TEKT2: variants seen among roughly 807,000 people sequenced by gnomAD.
The protein encoded by TEKT2 is tektin 2, also known as tektin-2.
A neutral mutation model predicts 49.8 loss-of-function variants in TEKT2; 45 were observed. The observed-to-expected ratio is 0.90, with a 90% CI of 0.71 to 1.16. The LOEUF is 1.16. Among genes scored for constraint, TEKT2 ranks in the 50% most tolerant of loss-of-function variants. The probability of loss-of-function intolerance (pLI) is 0.00; values close to 1 mark genes in which losing one functional copy is unlikely to be tolerated. For missense variants in TEKT2, 523 were observed against 551.4 expected (o/e 0.95, Z 0.52); for synonymous variants, 202 against 224.6 (o/e 0.90, Z 0.90).
rs372321264 is a variant in TEKT2 at position 36,087,826 on chromosome 1, C to T, written c.1079+19C>T. 1.5e-5 allele frequency: 24 copies of T among 1,612,744 alleles called. No individual in the cohort carries two copies. The highest frequency in any genetic ancestry group is 2.2e-5 in the East Asian group (1 of 44,870). The stretch of plus-strand genomic sequence containing the variant: ...AAGCACAGTAGGTCTCGGGAGTGGG[C>T]GGAAGGAGCAGTGAGACGCTGCCCA... On this transcript the variant is annotated intron_variant, in intron 9 of 9. Coordinates refer to ENST00000207457, the MANE Select transcript of TEKT2 (RefSeq NM_014466.3). The surrounding 1 kb of genome is among the most constrained non-coding windows in gnomAD (Gnocchi z 4.9).
Position 36,084,518 on chromosome 1 carries a change from T to G in TEKT2, c.-52-352T>G. The G allele has an allele frequency of 3.2e-6, 1 of 312,352 alleles. No individual in the cohort carries two copies. Among genetic ancestry groups the G allele is most frequent in the Non-Finnish European group, 6.2e-6 (1 of 162,568 alleles). 19.3% of individuals were successfully genotyped at this position (312,352 alleles called of 1,614,324 possible). On this transcript the variant is annotated intron_variant, in intron 1 of 9. Coordinates refer to ENST00000207457, the MANE Select transcript of TEKT2 (RefSeq NM_014466.3). This position sits in a 1 kb window ranked among gnomAD's most constrained non-coding sequence, Gnocchi z 4.1. ...GAAAGGAAGATCAACAAGGCATGGT[T>G]GGCTGGGGGCAGGTGTGGAAAATGC... is the stretch of plus-strand genomic sequence containing the variant.
Position 36,084,818 on chromosome 1 carries a change from G to T in TEKT2, c.-52-52G>T. On this transcript the variant is annotated intron_variant, in intron 1 of 9. Transcript: ENST00000207457. This position sits in a 1 kb window ranked among gnomAD's most constrained non-coding sequence, Gnocchi z 4.1. ...AACAAGTCCTGCGCAGGGGGCGTGTGATCCAGGAGGTCTCCGGAAAGGTCT... is the reference window on the plus strand; with the variant it reads ...AACAAGTCCTGCGCAGGGGGCGTGTTATCCAGGAGGTCTCCGGAAAGGTCT... 1 of 1,558,614 alleles carries T rather than the reference G, an allele frequency of 6.4e-7. No individual in the cohort carries two copies. Among genetic ancestry groups the T allele is most frequent in the Non-Finnish European group, 8.8e-7 (1 of 1,133,026 alleles).
At chr1:36,085,507 C>CTTTTTTTTTTTTTTTTT (rs1159834731) in intron 3 of TEKT2, among the ~76,000 whole-genome samples, 1 of 82,554 alleles carries the variant, frequency 1.2e-5, no homozygotes, top group Non-Finnish European at 2.1e-5. Flanking sequence ...TCTTTCTTTT[C>CTTTTTTTTTTTTTTTTT]TTTTTTTTTT....
rs747294816 is a variant in TEKT2 at position 36,085,238 on chromosome 1, C to T, written c.232C>T (p.Leu78=). The change falls in exon 3 of 10, where the codon CTG becomes TTG. Residue 78 remains leucine, a synonymous_variant. Coordinates refer to ENST00000207457, the MANE Select transcript of TEKT2 (RefSeq NM_014466.3). ...TACTGTCAACCGGTGGAAGGAGATGCTGGACAAGTGTCTGACAGATTTAGA... is the reference window on the plus strand; with the variant it reads ...TACTGTCAACCGGTGGAAGGAGATGTTGGACAAGTGTCTGACAGATTTAGA... The part of the protein sequence containing the change: ...IDTVNRWKEM[L]DKCLTDLDAE... 4.3e-6 allele frequency: 7 copies of T among 1,614,062 alleles called. No individual in the cohort carries two copies. In the African/African-American group the frequency reaches 6.7e-5, roughly 15 times the overall value.
At position 36,087,830 on chromosome 1, in the gene TEKT2, A is replaced by G; in HGVS notation, c.1079+23A>G. ...ACAGTAGGTCTCGGGAGTGGGCGGAAGGAGCAGTGAGACGCTGCCCACAAA... is the reference window on the plus strand; with the variant it reads ...ACAGTAGGTCTCGGGAGTGGGCGGAGGGAGCAGTGAGACGCTGCCCACAAA... On this transcript the variant is annotated intron_variant, in intron 9 of 9. Transcript: ENST00000207457. The surrounding 1 kb of genome is among the most constrained non-coding windows in gnomAD (Gnocchi z 4.9). The G allele has an allele frequency of 6.2e-7, 1 of 1,612,510 alleles. No homozygotes were observed. The highest frequency in any genetic ancestry group is 8.5e-7 in the Non-Finnish European group (1 of 1,179,492).
In TEKT2 at chr1:36,086,711, C is replaced by G. The variant is rs777105222; in HGVS notation, c.496C>G (p.Gln166Glu). The change falls in exon 5 of 10, where the codon CAG becomes GAG. Residue 166 changes from glutamine (Q) to glutamate (E), a missense_variant. By Grantham distance (29) the Gln-to-Glu change is conservative. Coordinates refer to ENST00000207457, the MANE Select transcript of TEKT2 (RefSeq NM_014466.3). Reference protein sequence around the residue: ...SQAFEQLCLLQEVQQQLNSDH... With the variant: ...SQAFEQLCLLEEVQQQLNSDH... ...AGTCTGCGCTTTCCCCAGCCTCTTG[C>G]AGGAAGTCCAACAGCAGCTCAACTC... 6.8e-6 allele frequency: 11 copies of G among 1,613,986 alleles called. No homozygotes were observed. The highest frequency in any genetic ancestry group is 9.3e-6 in the Non-Finnish European group (11 of 1,180,036).
In TEKT2 at chr1:36,087,168, G is replaced by A. The variant is rs752733327; in HGVS notation, c.748-36G>A. 1.9e-6 allele frequency: 3 copies of A among 1,612,390 alleles called. No individual in the cohort carries two copies. The highest frequency in any genetic ancestry group is 2.5e-6 in the Non-Finnish European group (3 of 1,178,672). On this transcript the variant is annotated intron_variant, in intron 6 of 9. Coordinates refer to ENST00000207457, the MANE Select transcript of TEKT2 (RefSeq NM_014466.3). This position sits in a 1 kb window ranked among gnomAD's most constrained non-coding sequence, Gnocchi z 4.9. ...GTAATATCCTCAGGCAGCCCTGAGT[G>A]TAGACCCTCCCCTTGCCCTGTGTTT...
At position 36,087,209 on chromosome 1, in the gene TEKT2, C is replaced by A; in HGVS notation, c.753C>A (p.Asn251Lys). The A allele has an allele frequency of 1.2e-6, 2 of 1,614,126 alleles. No individual in the cohort carries two copies. Among genetic ancestry groups the A allele is most frequent in the Non-Finnish European group, 1.7e-6 (2 of 1,180,030 alleles). Residue 251 changes from asparagine (N) to lysine (K), a missense_variant, in exon 7 of 10, where the codon AAC (asparagine) becomes AAA (lysine). By Grantham distance (94) the Asn-to-Lys change is moderately conservative. Transcript: ENST00000207457. This position sits in a 1 kb window ranked among gnomAD's most constrained non-coding sequence, Gnocchi z 4.9. ...CCCTGTGTTTTCTCCTTCAGACCAA[C>A]AACGAGCTTGAAGCCCAGAGAGTTG... ...EATALTIAETNNELEAQRVAT... is the reference protein window; with the variant it reads ...EATALTIAETKNELEAQRVAT...
rs1643381381 is a variant in TEKT2 at position 36,086,723 on chromosome 1, C to T, written c.508C>T (p.Gln170Ter). ...CCCCAGCCTCTTGCAGGAAGTCCAA[C>T]AGCAGCTCAACTCCGACCATCGGGG... ...EQLCLLQEVQ[Q>*]QLNSDHRGKM... Residue 170 changes from glutamine to a stop codon, truncating the protein, a stop_gained, in exon 5 of 10, where the codon CAG becomes TAG. Transcript: ENST00000207457. LOFTEE classifies it high-confidence loss of function. The T allele has an allele frequency of 1.2e-6, 2 of 1,614,114 alleles. No homozygotes were observed. The highest frequency in any genetic ancestry group is 4.5e-5 in the East Asian group (2 of 44,836).
intron 3 of TEKT2, 81 bp downstream of exon 3, chr1:36,085,369 A>G (rs1643353130): frequency 6.2e-7 from 1 of 1,601,004 alleles, no homozygotes; most frequent in Admixed American, 1.7e-5. Context: ...GAAGCCCTTG[A>G]TGGGGGGTCA....
chr1:36,084,842 C>A lies in TEKT2; in HGVS notation c.-52-28C>A. 8 of 1,604,664 alleles carry A rather than the reference C, an allele frequency of 5.0e-6. No homozygotes were observed. The highest frequency in any genetic ancestry group is 6.0e-6 in the Non-Finnish European group (7 of 1,174,070). ...TGATCCAGGAGGTCTCCGGAAAGGTCTCCCGCAGCAGTGTTTTCCCTCTGC... is the reference window on the plus strand; with the variant it reads ...TGATCCAGGAGGTCTCCGGAAAGGTATCCCGCAGCAGTGTTTTCCCTCTGC... On this transcript the variant is annotated intron_variant, in intron 1 of 9. Transcript: ENST00000207457. This position sits in a 1 kb window ranked among gnomAD's most constrained non-coding sequence, Gnocchi z 4.1.
chr1:36,086,212 T>C (rs1432582604), intron 4 of TEKT2, among the ~76,000 whole-genome samples, 171 bp downstream of exon 4: 1 of 152,200 alleles, frequency 6.6e-6, no homozygotes, highest in Non-Finnish European at 1.5e-5. Context: ...TCCCACTGCC[T>C]GGACATGGGC....
chr1:36,088,061 T>C lies in TEKT2; in HGVS notation c.1168T>C (p.Cys390Arg), dbSNP rs1643415185. The C allele has an allele frequency of 1.9e-6, 3 of 1,612,896 alleles. No individual in the cohort carries two copies. Among genetic ancestry groups the C allele is most frequent in the Non-Finnish European group, 2.5e-6 (3 of 1,179,768 alleles). ...KANSMLLDTK[C>R]MDTRRKLTVP... Reference sequence around the variant, plus strand: ...CAACTCCATGCTGCTGGACACCAAGTGCATGGACACACGGCGCAAGCTGAC... The same window carrying C: ...CAACTCCATGCTGCTGGACACCAAGCGCATGGACACACGGCGCAAGCTGAC... The change falls in exon 10 of 10, where the codon TGC becomes CGC. Residue 390 changes from cysteine (C) to arginine (R), a missense_variant. By Grantham distance (180) the Cys-to-Arg change is radical. Coordinates refer to ENST00000207457, the MANE Select transcript of TEKT2 (RefSeq NM_014466.3).
rs369502778 is a variant in TEKT2, at chr1:36,085,669, G to A, written c.283-167G>A. On this transcript the variant is annotated intron_variant, in intron 3 of 9. Coordinates refer to ENST00000207457, the MANE Select transcript of TEKT2 (RefSeq NM_014466.3). ...AAAGTAGCTGGGACTACAGGCGTGC[G>A]CCATCACTCCCAGCTAATTTTTGTA... 1,318 of 726,788 alleles carry A rather than the reference G, an allele frequency of 1.8e-3. 11 individuals are homozygous for A. In the African/African-American group the frequency reaches 0.021, roughly 11 times the overall value. 45.0% of individuals were successfully genotyped at this position (726,788 alleles called of 1,614,324 possible).
Position 36,085,166 on chromosome 1 carries a change from A to T in TEKT2, c.160A>T (p.Ile54Phe). 1 of 1,614,196 alleles carries T rather than the reference A, an allele frequency of 6.2e-7. No homozygotes were observed. ...TATCTGGCTCTGTCTCTCTCAGACCATTTGGGATGAACATGACAACAGGAC... is the reference window on the plus strand; with the variant it reads ...TATCTGGCTCTGTCTCTCTCAGACCTTTTGGGATGAACATGACAACAGGAC... ...VLRNETNNQT[I>F]WDEHDNRTRL... Residue 54 changes from isoleucine (I) to phenylalanine (F), a missense_variant, in exon 3 of 10, where the codon ATT becomes TTT. Coordinates refer to ENST00000207457, the MANE Select transcript of TEKT2 (RefSeq NM_014466.3).
chr1:36,086,797 C>T lies in TEKT2; in HGVS notation c.582C>T (p.Leu194=), dbSNP rs1468034642. The T allele has an allele frequency of 8.1e-6, 13 of 1,614,060 alleles. No homozygotes were observed. The highest frequency in any genetic ancestry group is 1.1e-5 in the South Asian group (1 of 91,088). The change falls in exon 5 of 10, where the codon CTC becomes CTT. Residue 194 remains leucine, a synonymous_variant. Coordinates refer to ENST00000207457, the MANE Select transcript of TEKT2 (RefSeq NM_014466.3). ...ACAGAGGCTGTCTCTCTCTCAACCT[C>T]AGATCCCCAAACATCTCGCTGAAGG... The part of the protein sequence containing the change: ...EIDRGCLSLN[L]RSPNISLKVD...
intron 3 of TEKT2, among the ~76,000 whole-genome samples, chr1:36,085,502 C>CTTTTT (rs1557729258): frequency 1.6e-4 from 21 of 131,426 alleles, no homozygotes; most frequent in African/African-American, 6.2e-4. Flanking sequence ...TTCTTTCTTT[C>CTTTTT]TTTTCTTTTT....
chr1:36,086,089 G>A, intron 4 of TEKT2, 48 bp downstream of exon 4: 1 of 1,542,650 alleles, frequency 6.5e-7, no homozygotes, highest in Non-Finnish European at 8.8e-7. Context: ...CCTGGAGGCT[G>A]TGTGCCTTCA....
rs542362507 is a variant in TEKT2 at position 36,084,466 on chromosome 1, G to C, written c.-53+317G>C. The C allele has an allele frequency of 9.9e-4, 252 of 254,744 alleles. 1 individual carries two copies. The highest frequency in any genetic ancestry group is 5.3e-3 in the African/African-American group (238 of 44,820). 15.8% of individuals were successfully genotyped at this position (254,744 alleles called of 1,614,324 possible). ...CTCCTGCCCTTAGATCCCCCACGGG[G>C]ACTGGCCCGCAGCCTGGGGAAGAAA... is the stretch of plus-strand genomic sequence containing the variant. On this transcript the variant is annotated intron_variant, in intron 1 of 9. Coordinates refer to ENST00000207457, the MANE Select transcript of TEKT2 (RefSeq NM_014466.3). The surrounding 1 kb of genome is among the most constrained non-coding windows in gnomAD (Gnocchi z 4.1).
Sources: gnomAD v4.1 joint callset for allele counts (sites outside exome capture counted in the v4.1 genomes callset) on GRCh38, gnomAD v4.1.1 for gene constraint, Gnocchi (gnomAD v3.1) non-coding constraint, MANE v1.5 for transcripts, NCBI Gene and HGNC (gene_info 2026-07-23, HGNC 2026-07-21) for gene names.